The following COL26A1 variants were observed in gnomAD, a reference collection of about 807,000 sequenced individuals.
The protein encoded by COL26A1 is collagen alpha-1(XXVI) chain.
A neutral mutation model predicts 59.3 loss-of-function variants in COL26A1; 41 were observed. That is an observed-to-expected ratio of 0.69 (90% CI 0.54 to 0.90). COL26A1 has a LOEUF of 0.90. COL26A1 is among the 40% of genes least tolerant of loss of function. COL26A1 has a pLI of 0.00. For synonymous variants in COL26A1, 266 were observed against 256.0 expected, an observed-to-expected ratio of 1.04 and a Z score of -0.37; for missense variants, 612 against 602.3, an observed-to-expected ratio of 1.02 and a Z score of -0.17.
rs190105539 is a variant in COL26A1 at position 101,403,386 on chromosome 7, G to T, written c.159-16591G>T. On this transcript the variant is annotated intron_variant, in intron 1 of 12. Coordinates refer to ENST00000313669, the MANE Select transcript of COL26A1 (RefSeq NM_001278563.3). ...ATACAAAAATTAGTGGGGTGTGGTG[G>T]TATGTGCCTGTAATCCCAGTTAATT... Among the ~76,000 whole-genome samples, 381 of 152,188 alleles carry T rather than the reference G, an allele frequency of 2.5e-3. 2 individuals are homozygous for T. The highest frequency in any genetic ancestry group is 0.017 in the Middle Eastern group (5 of 294).
intron 10 of COL26A1, 95 bp downstream of exon 10, chr7:101,551,238 T>TTTGGGGGGGGGGGG: frequency 2.0e-6 from 1 of 491,354 alleles, no homozygotes; most frequent in Non-Finnish European, 4.0e-6. Flanking sequence ...GGTGGGGGGG[T>TTTGGGGGGGGGGGG]TCAGCCCTGG....
chr7:101,404,517 G>A (rs966264582), intron 1 of COL26A1, among the ~76,000 whole-genome samples: 4 of 152,162 alleles, frequency 2.6e-5, no homozygotes, highest in Non-Finnish European at 4.4e-5. Context: ...CTTCCCAGGG[G>A]AGCCAGAAGT....
chr7:101,487,696 G>A (rs921259779), intron 3 of COL26A1, among the ~76,000 whole-genome samples: 48 of 152,102 alleles, frequency 3.2e-4, no homozygotes, highest in Admixed American at 2.0e-4. Context: ...TGTCCCCAGG[G>A]CCTCCAGTCC....
At position 101,363,083 on chromosome 7, in the gene COL26A1, G is replaced by A. The variant is rs757159741; in HGVS notation, c.51G>A (p.Ser17=). The change falls in exon 1 of 13, where the codon TCG becomes TCA. Residue 17 remains serine, a synonymous_variant. Coordinates refer to ENST00000313669, the MANE Select transcript of COL26A1 (RefSeq NM_001278563.3). ...LPWACCCLCG[S]ALATGFLYPF... is the part of the protein sequence containing the mutation. ...GGGCGTGTTGCTGCCTCTGCGGGTCGGCGCTGGCCACCGGCTTCCTCTATC... is the reference window on the plus strand; with the variant it reads ...GGGCGTGTTGCTGCCTCTGCGGGTCAGCGCTGGCCACCGGCTTCCTCTATC... The A allele has an allele frequency of 6.3e-7, 1 of 1,577,644 alleles. No individual in the cohort carries two copies. The highest frequency in any genetic ancestry group is 1.1e-5 in the South Asian group (1 of 87,644).
intron 1 of COL26A1, among the ~76,000 whole-genome samples, chr7:101,378,878 C>T (rs917627178): frequency 5.3e-5 from 8 of 151,944 alleles, no homozygotes; most frequent in Non-Finnish European, 4.4e-5. Flanking sequence ...TTCTTTTCCC[C>T]GGGGAGTTGT....
intron 1 of COL26A1, among the ~76,000 whole-genome samples, chr7:101,411,799 G>A (rs13238579): frequency 0.18 from 26,715 of 151,908 alleles, 2,802 homozygotes; most frequent in Non-Finnish European, 0.24. Context: ...CAGACTGTGT[G>A]GTTCTGGTGG....
chr7:101,544,034 G>C lies in COL26A1; in HGVS notation c.641G>C (p.Gly214Ala). ...PGQTGPPGPAGPPGSKGDRGQ... is the reference protein window; with the variant it reads ...PGQTGPPGPAAPPGSKGDRGQ... Reference sequence around the variant, plus strand: ...CAGACAGGACCACCAGGGCCTGCAGGCCCCCCCGGGTCTAAAGGTGACCGA... The same window carrying C: ...CAGACAGGACCACCAGGGCCTGCAGCCCCCCCCGGGTCTAAAGGTGACCGA... The change falls in exon 6 of 13, where the codon GGC becomes GCC. Residue 214 changes from glycine (G) to alanine (A), a missense_variant. Coordinates refer to ENST00000313669, the MANE Select transcript of COL26A1 (RefSeq NM_001278563.3). 6.3e-7 allele frequency: 1 copy of C among 1,597,688 alleles called. No individual in the cohort carries two copies. Among genetic ancestry groups the C allele is most frequent in the Non-Finnish European group, 8.5e-7 (1 of 1,172,966 alleles).
chr7:101,529,511 G>A (rs1035421577), intron 3 of COL26A1, among the ~76,000 whole-genome samples: 2 of 151,920 alleles, frequency 1.3e-5, no homozygotes, highest in Non-Finnish European at 2.9e-5. Context: ...CTCTCACCTC[G>A]GCCTCCCAAA....
At chr7:101,456,751 A>G (rs1793483288) in intron 3 of COL26A1, among the ~76,000 whole-genome samples, 1 of 152,142 alleles carries the variant, frequency 6.6e-6, no homozygotes, top group Admixed American at 6.6e-5. Flanking sequence ...CCTGGTTTCA[A>G]TCTATCCTCC....
chr7:101,437,546 G>A (rs1199001104), intron 2 of COL26A1, among the ~76,000 whole-genome samples: 1 of 151,940 alleles, frequency 6.6e-6, no homozygotes, highest in Non-Finnish European at 1.5e-5. Context: ...AGTCCACAAG[G>A]TTAGGCTTAG....
At chr7:101,378,618 G>A (rs966177772) in intron 1 of COL26A1, among the ~76,000 whole-genome samples, 3 of 152,070 alleles carry the variant, frequency 2.0e-5, no homozygotes, top group Admixed American at 1.3e-4. Context: ...AGACTTGGGG[G>A]CTGGGGACAC....
At chr7:101,509,725 G>T (rs1433137428) in intron 3 of COL26A1, among the ~76,000 whole-genome samples, 1 of 152,048 alleles carries the variant, frequency 6.6e-6, no homozygotes, top group Non-Finnish European at 1.5e-5. Flanking sequence ...TTTCAGCACT[G>T]GGGGCTCTTT....
intron 1 of COL26A1, among the ~76,000 whole-genome samples, chr7:101,381,764 A>T (rs1412408101): frequency 1.3e-5 from 2 of 152,102 alleles, no homozygotes; most frequent in African/African-American, 4.8e-5. Context: ...TTTGTGGGGG[A>T]CACATTCAAA....
chr7:101,418,867 C>T (rs577864296), intron 1 of COL26A1, among the ~76,000 whole-genome samples: 9 of 152,242 alleles, frequency 5.9e-5, no homozygotes, highest in Non-Finnish European at 8.8e-5. Context: ...CTCCTCTCCA[C>T]TGCCCAAGCT....
chr7:101,462,723 C>T (rs193227793), intron 3 of COL26A1, among the ~76,000 whole-genome samples: 96 of 152,202 alleles, frequency 6.3e-4, no homozygotes, highest in African/African-American at 2.0e-3. Flanking sequence ...TTCCGGCCCC[C>T]GGTGACACGT....
At chr7:101,422,946 A>G (rs1364984869) in intron 2 of COL26A1, among the ~76,000 whole-genome samples, 1 of 152,142 alleles carries the variant, frequency 6.6e-6, no homozygotes, top group South Asian at 2.1e-4. Context: ...TGGTCTCAAC[A>G]AGTTAAAGCT....
At chr7:101,419,514 C>T (rs948462347) in intron 1 of COL26A1, among the ~76,000 whole-genome samples, 7 of 152,162 alleles carry the variant, frequency 4.6e-5, no homozygotes, top group African/African-American at 9.6e-5. Context: ...TCCCCTCTCA[C>T]GGCCCCCACA....
Position 101,384,133 on chromosome 7 carries a change from C to G in COL26A1, c.158+20943C>G, listed in dbSNP as rs185249740. Among the ~76,000 whole-genome samples, 309 of 152,146 alleles carry G rather than the reference C, an allele frequency of 2.0e-3. 1 individual carries two copies. The highest frequency in any genetic ancestry group is 3.4e-3 in the Middle Eastern group (1 of 294). On this transcript the variant is annotated intron_variant, in intron 1 of 12. Coordinates refer to ENST00000313669, the MANE Select transcript of COL26A1 (RefSeq NM_001278563.3). ...GGCTCAGGTGATCCTCCCATCCCAG[C>G]CTTCTGAGTAGCTGAGACCACAGGC...
chr7:101,426,869 C>T (rs1451753645), intron 2 of COL26A1, among the ~76,000 whole-genome samples: 1 of 152,200 alleles, frequency 6.6e-6, no homozygotes, highest in African/African-American at 2.4e-5. Flanking sequence ...CTAGGCATGC[C>T]TTGATCTTGC....
Sources: allele counts gnomAD v4.1 joint callset (sites outside exome capture counted in the v4.1 genomes callset), GRCh38; gene constraint gnomAD v4.1.1; transcripts MANE v1.5; gene names NCBI Gene and HGNC (gene_info 2026-07-23, HGNC 2026-07-21).